Variants in FOXP2 observed in about 807,000 individuals in gnomAD.
The protein encoded by FOXP2 is forkhead box P2.
In FOXP2, 12 loss-of-function variants were observed where a neutral mutation model predicts 115.8. The observed-to-expected ratio is 0.10, with a 90% confidence interval of 0.07 to 0.17. FOXP2 has a LOEUF of 0.17. FOXP2 is among the 10% of genes least tolerant of loss of function. FOXP2 has a pLI of 1.00. For missense variants in FOXP2, 629 were observed against 843.5 expected (o/e 0.75, Z 3.15); for synonymous variants, 328 against 297.7 (o/e 1.10, Z -1.05).
intron 3 of FOXP2, among the ~76,000 whole-genome samples, chr7:114,538,161 C>T (rs548182477): frequency 1.8e-3 from 273 of 151,794 alleles, no homozygotes; most frequent in African/African-American, 6.5e-3. Context: ...ACCCCACACA[C>T]ACATAAATGC....
At chr7:114,132,597 G>GAA (rs1791919265) in intron 1 of FOXP2, among the ~76,000 whole-genome samples, 2 of 149,306 alleles carry the variant, frequency 1.3e-5, no homozygotes, top group Non-Finnish European at 3.0e-5. Flanking sequence ...GAGAGAGAGA[G>GAA]AGAGAGAGAG....
intron 8 of FOXP2, among the ~76,000 whole-genome samples, chr7:114,647,727 A>G (rs1271214734): frequency 6.6e-6 from 1 of 152,088 alleles, no homozygotes; most frequent in Non-Finnish European, 1.5e-5. Context: ...ATAACATCTG[A>G]CAAAACTTTA....
intron 2 of FOXP2, among the ~76,000 whole-genome samples, chr7:114,511,597 T>C (rs77823977): frequency 0.015 from 2,247 of 152,228 alleles, 24 homozygotes; most frequent in Non-Finnish European, 0.026. Flanking sequence ...GAGTAGAGGA[T>C]AAGTTAAATT....
rs776565646 is a variant in FOXP2 at position 114,629,860 on chromosome 7, TGCA to T, written c.465_467del (p.Gln191del). 1.0e-4 allele frequency: 163 copies of T among 1,602,346 alleles called. 4 individuals are homozygous for T. In the South Asian group the frequency reaches 1.7e-3, roughly 16 times the overall value. ...CAAGAGCAGTTACATCTTCAGCTTT[TGCA>T]GCAGCAGCAGCAACAGCAGCAGCAG... On this transcript the variant is annotated inframe_deletion, in exon 5 of 17. Transcript: ENST00000350908.
chr7:114,444,739 A>C (rs1332111542), intron 2 of FOXP2, among the ~76,000 whole-genome samples: 1 of 152,122 alleles, frequency 6.6e-6, no homozygotes, highest in East Asian at 1.9e-4. Flanking sequence ...AATTCTGTAT[A>C]ACAGTTTTAA....
intron 1 of FOXP2, among the ~76,000 whole-genome samples, chr7:114,125,064 C>A (rs937680740): frequency 6.6e-6 from 1 of 152,104 alleles, no homozygotes; most frequent in African/African-American, 2.4e-5. Context: ...TAACCACTAC[C>A]GACTTCCATC....
chr7:114,687,408 C>T (rs945606234), intron 16 of FOXP2, among the ~76,000 whole-genome samples: 2 of 152,148 alleles, frequency 1.3e-5, no homozygotes, highest in African/African-American at 4.8e-5. Context: ...TTCAAAGATA[C>T]ATAGTACACA....
chr7:114,559,132 G>T (rs1800617461), intron 3 of FOXP2, among the ~76,000 whole-genome samples: 1 of 152,136 alleles, frequency 6.6e-6, no homozygotes, highest in South Asian at 2.1e-4. Context: ...GATATCTCAT[G>T]TCAGAAGCAC....
chr7:114,357,137 A>G (rs1352632699), intron 2 of FOXP2, among the ~76,000 whole-genome samples: 2 of 152,160 alleles, frequency 1.3e-5, no homozygotes, highest in East Asian at 1.9e-4. Context: ...TGGCCATTTG[A>G]AAACCCTGAT....
At chr7:114,475,460 A>G (rs1195099495) in intron 2 of FOXP2, among the ~76,000 whole-genome samples, 2 of 152,050 alleles carry the variant, frequency 1.3e-5, no homozygotes, top group Admixed American at 6.6e-5. Context: ...AATTCTGTGC[A>G]TATATGTTAT....
intron 8 of FOXP2, among the ~76,000 whole-genome samples, chr7:114,650,845 G>A (rs1806208931): frequency 6.6e-6 from 1 of 151,972 alleles, no homozygotes; most frequent in South Asian, 2.1e-4. Flanking sequence ...CAAGATACAT[G>A]GAGGTTTTGT....
intron 1 of FOXP2, among the ~76,000 whole-genome samples, chr7:114,263,037 A>T (rs1053426404): frequency 6.6e-6 from 1 of 152,144 alleles, no homozygotes; most frequent in African/African-American, 2.4e-5. Context: ...TTGCACAGTA[A>T]AGAAGGGTCT....
At chr7:114,407,482 A>T (rs1179894688) in intron 2 of FOXP2, among the ~76,000 whole-genome samples, 1 of 152,204 alleles carries the variant, frequency 6.6e-6, no homozygotes, top group East Asian at 1.9e-4. Flanking sequence ...TGGACTTTTT[A>T]AGTTGTTTAC....
chr7:114,523,705 A>G (rs932656956), intron 2 of FOXP2, among the ~76,000 whole-genome samples: 2 of 152,052 alleles, frequency 1.3e-5, no homozygotes, highest in African/African-American at 4.8e-5. Flanking sequence ...TTTTGCAAAA[A>G]CATGTTCACT....
intron 1 of FOXP2, among the ~76,000 whole-genome samples, chr7:114,096,926 T>C (rs1346780860): frequency 6.6e-6 from 1 of 152,174 alleles, no homozygotes; most frequent in Non-Finnish European, 1.5e-5. Context: ...TAACTATTCA[T>C]GAAACAGTGG....
intron 2 of FOXP2, among the ~76,000 whole-genome samples, chr7:114,407,579 C>T (rs1407525673): frequency 6.6e-6 from 1 of 152,038 alleles, no homozygotes; most frequent in Non-Finnish European, 1.5e-5. Context: ...AATATTAAAT[C>T]AGCCTTTTGA....
intron 1 of FOXP2, among the ~76,000 whole-genome samples, chr7:114,153,037 T>A (rs1792568020): frequency 6.6e-6 from 1 of 152,164 alleles, no homozygotes; most frequent in African/African-American, 2.4e-5. Flanking sequence ...GTATTATTTG[T>A]TTATAGATCT....
At chr7:114,434,005 C>T (rs1794227257) in intron 2 of FOXP2, among the ~76,000 whole-genome samples, 1 of 151,728 alleles carries the variant, frequency 6.6e-6, no homozygotes, top group Non-Finnish European at 1.5e-5. Flanking sequence ...AAAAAAAAGT[C>T]CTTGGATCTT....
chr7:114,470,895 T>G (rs1486835279), intron 2 of FOXP2, among the ~76,000 whole-genome samples: 1 of 152,080 alleles, frequency 6.6e-6, no homozygotes, highest in African/African-American at 2.4e-5. Flanking sequence ...GGACCTGAAG[T>G]TCCCATTCCT....
Sources: gnomAD v4.1 joint callset for allele counts (sites outside exome capture counted in the v4.1 genomes callset) on GRCh38, gnomAD v4.1.1 for gene constraint, MANE v1.5 for transcripts, NCBI Gene and HGNC (gene_info 2026-07-23, HGNC 2026-07-21) for gene names.